The following TBC1D5 variants were observed in gnomAD, a reference collection of about 807,000 sequenced individuals.
The protein encoded by TBC1D5 is TBC1 domain family, member 5.
TBC1D5 carries 75 observed loss-of-function variants against 100.3 expected under a neutral mutation model. That is an observed-to-expected ratio of 0.75 (90% confidence interval 0.62 to 0.91). TBC1D5 has a LOEUF of 0.91. TBC1D5 is among the 40% of genes least tolerant of loss of function. The pLI, the probability that TBC1D5 is intolerant of heterozygous loss-of-function variation, is 0.00. For synonymous variants in TBC1D5, 323 were observed against 325.6 expected (o/e 0.99, Z 0.09); for missense variants, 910 against 942.4 (o/e 0.97, Z 0.45).
upstream of TBC1D5, among the ~76,000 whole-genome samples, chr3:17,741,962 ATTCAGGG>A (rs2077488067): frequency 6.6e-6 from 1 of 152,082 alleles, no homozygotes; most frequent in South Asian, 2.1e-4. Flanking sequence ...AGGTTTGAGG[ATTCAGGG>A]CCCGTTTCGC....
chr3:17,285,549 C>T lies in TBC1D5; in HGVS notation c.1245+6346G>A, dbSNP rs1027526809. Among the ~76,000 whole-genome samples the T allele has an allele frequency of 1.1e-4, 16 of 152,048 alleles. No homozygotes were observed. In the East Asian group the frequency reaches 1.2e-3, roughly 11 times the overall value. On this transcript the variant is annotated intron_variant, in intron 15 of 21. Coordinates refer to ENST00000253692, the Ensembl canonical transcript of TBC1D5. ...TGCTGGGATTACAGGCGTGAGCCAC[C>T]GCGCCCGGCCGGATTTTAGATTCTT...
chr3:17,271,523 C>T (rs962828199), intron 15 of TBC1D5, among the ~76,000 whole-genome samples: 1 of 152,088 alleles, frequency 6.6e-6, no homozygotes, highest in African/African-American at 2.4e-5. Flanking sequence ...TAAGGGTTTT[C>T]TAGGTATAGC....
At chr3:17,238,266 A>T in exon 17 of TBC1D5, 2 of 1,614,054 alleles carry the variant, frequency 1.2e-6, no homozygotes, top group Non-Finnish European at 1.7e-6. Context: ...TCCTGGTAGG[A>T]ATTACAACAG....
intron 3 of TBC1D5, among the ~76,000 whole-genome samples, chr3:17,441,354 T>C (rs1349306148): frequency 6.6e-6 from 1 of 152,156 alleles, no homozygotes; most frequent in African/African-American, 2.4e-5. Context: ...GTAAATAAAA[T>C]ACAAAACAGA....
At chr3:17,432,832 C>G (rs1559874446) in intron 3 of TBC1D5, among the ~76,000 whole-genome samples, 2 of 152,174 alleles carry the variant, frequency 1.3e-5, no homozygotes, top group East Asian at 3.8e-4. Flanking sequence ...CAGAAAGCAG[C>G]ATGACATCAG....
intron 1 of TBC1D5, among the ~76,000 whole-genome samples, chr3:17,685,203 T>A (rs1270598286): frequency 2.0e-5 from 3 of 151,798 alleles, no homozygotes; most frequent in African/African-American, 7.2e-5. Context: ...GCCATAAATT[T>A]AAAAAAAATC....
At chr3:17,692,102 C>A (rs545928989) in intron 1 of TBC1D5, among the ~76,000 whole-genome samples, 14 of 151,290 alleles carry the variant, frequency 9.3e-5, no homozygotes, top group African/African-American at 3.2e-4. Flanking sequence ...TACTTTTTTT[C>A]TTTTTTTTGA....
chr3:17,534,971 A>AT (rs769781681), intron 2 of TBC1D5, among the ~76,000 whole-genome samples: 6 of 152,262 alleles, frequency 3.9e-5, no homozygotes, highest in Non-Finnish European at 8.8e-5. Context: ...GACTATTTCT[A>AT]TTTTTTATCC....
rs1054518916 is a variant in TBC1D5 at position 17,326,626 on chromosome 3, C to T, written c.996-18492G>A. Among the ~76,000 whole-genome samples the T allele has an allele frequency of 5.3e-5, 8 of 152,142 alleles. No individual in the cohort carries two copies. In the East Asian group the frequency reaches 5.8e-4, roughly 11 times the overall value. On this transcript the variant is annotated intron_variant, in intron 13 of 21. Transcript: ENST00000253692. ...TAGCTGAGACCACAGGTATTCACCACGCCCTGCTAATTTTAAAATTTATTT... is the reference window on the plus strand; with the variant it reads ...TAGCTGAGACCACAGGTATTCACCATGCCCTGCTAATTTTAAAATTTATTT...
At chr3:17,201,005 T>C (rs1038859712) in intron 18 of TBC1D5, among the ~76,000 whole-genome samples, 2 of 152,244 alleles carry the variant, frequency 1.3e-5, no homozygotes, top group Non-Finnish European at 2.9e-5. Flanking sequence ...AATATTCTTA[T>C]GGTCAAAAGA....
At chr3:17,269,112 G>C (rs1490065373) in intron 15 of TBC1D5, among the ~76,000 whole-genome samples, 2 of 152,244 alleles carry the variant, frequency 1.3e-5, no homozygotes, top group South Asian at 4.1e-4. Context: ...TTTAGTAACT[G>C]TTATAAGCTG....
chr3:17,186,710 C>CAAAAAAAAAAA (rs58438478), intron 18 of TBC1D5, among the ~76,000 whole-genome samples: 7 of 27,278 alleles, frequency 2.6e-4, no homozygotes, highest in Admixed American at 1.7e-3. Context: ...ACTCTATCTC[C>CAAAAAAAAAAA]AAAAAAAAAA....
intron 2 of TBC1D5, among the ~76,000 whole-genome samples, chr3:17,558,170 T>A (rs1348286109): frequency 1.3e-5 from 2 of 152,194 alleles, no homozygotes; most frequent in African/African-American, 4.8e-5. Flanking sequence ...TAAAATTTAA[T>A]CCTTAATAAA....
intron 13 of TBC1D5, among the ~76,000 whole-genome samples, chr3:17,359,327 C>T (rs1453752575): frequency 6.6e-6 from 1 of 152,078 alleles, no homozygotes; most frequent in Non-Finnish European, 1.5e-5. Context: ...AGGTTCTCTT[C>T]ACTAAGCAAG....
chr3:17,220,073 C>T (rs1304608955), intron 17 of TBC1D5, among the ~76,000 whole-genome samples: 1 of 152,090 alleles, frequency 6.6e-6, no homozygotes, highest in Non-Finnish European at 1.5e-5. Context: ...ATTTAGGTTT[C>T]TTCTAATGTT....
chr3:17,528,188 G>C (rs1335542198), intron 2 of TBC1D5, among the ~76,000 whole-genome samples: 1 of 152,110 alleles, frequency 6.6e-6, no homozygotes, highest in Non-Finnish European at 1.5e-5. Flanking sequence ...GCCTCCCAAA[G>C]TGCTGAGACT....
intron 3 of TBC1D5, among the ~76,000 whole-genome samples, chr3:17,469,510 A>G (rs77736651): frequency 7.1e-6 from 1 of 141,022 alleles, no homozygotes; most frequent in Non-Finnish European, 1.5e-5. Flanking sequence ...CATGCACAAG[A>G]AAAAAAAAAA....
Position 17,158,767 on chromosome 3 carries a change from G to A in TBC1D5, c.*2196C>T, listed in dbSNP as rs186954644. 4 of 152,372 alleles carry A rather than the reference G, an allele frequency of 2.6e-5. No individual in the cohort carries two copies. In the East Asian group the frequency reaches 7.7e-4, roughly 29 times the overall value. The allele number at this position is 152,372 out of a possible 1,614,324, so 9.4% of individuals were successfully genotyped here. On this transcript the variant is annotated 3_prime_UTR_variant, in exon 22 of 22. Coordinates refer to ENST00000253692, the Ensembl canonical transcript of TBC1D5. ...TGGTGGGTGCCTAGTGACTCTTGCA[G>A]GGCGAGTGACCCTCAGCTATCATGA...
chr3:17,401,623 T>C (rs1053319687), intron 8 of TBC1D5, among the ~76,000 whole-genome samples: 2 of 152,092 alleles, frequency 1.3e-5, no homozygotes, highest in South Asian at 2.1e-4. Context: ...CTGGCCCCCA[T>C]GGCCTCTGAC....
Sources: gnomAD v4.1 joint callset for allele counts (sites outside exome capture counted in the v4.1 genomes callset) on GRCh38, gnomAD v4.1.1 for gene constraint, MANE v1.5 for transcripts, NCBI Gene and HGNC (gene_info 2026-07-23, HGNC 2026-07-21) for gene names.